Variants in TGFB3 observed in about 807,000 individuals in gnomAD.
TGFB3 encodes the protein transforming growth factor beta-3 proprotein.
Under a neutral mutation model 40.1 loss-of-function variants are expected in TGFB3, and 5 were observed. That is an observed-to-expected ratio of 0.12 (90% CI 0.07 to 0.26). The LOEUF is 0.26. Ranked by LOEUF, TGFB3 falls within the 10% of genes least tolerant of loss-of-function variation. The probability of loss-of-function intolerance (pLI) is 1.00; values close to 1 mark genes in which losing one functional copy is unlikely to be tolerated. For missense variants in TGFB3, 373 were observed against 530.1 expected (o/e 0.70, Z 2.91); for synonymous variants, 184 against 205.6 (o/e 0.89, Z 0.90).
chr14:75,971,415 GAC>G lies in TGFB3; in HGVS notation c.516+138_516+139del, dbSNP rs944357212. 53 of 1,518,018 alleles carry G rather than the reference GAC, an allele frequency of 3.5e-5. No individual in the cohort carries two copies. In the African/African-American group the frequency reaches 7.2e-4, roughly 21 times the overall value. 94.0% of individuals were successfully genotyped at this position (1,518,018 alleles called of 1,614,324 possible). On this transcript the variant is annotated intron_variant, in intron 2 of 6. Coordinates refer to ENST00000238682, the MANE Select transcript of TGFB3 (RefSeq NM_003239.5). The surrounding 1 kb of genome is among the most constrained non-coding windows in gnomAD (Gnocchi z 4.5). ...CTAACTCTTAAGTGTTTTAATGACA[GAC>G]ACAGATACGGAAACGAAGGCTCAGA...
At position 75,971,333 on chromosome 14, in the gene TGFB3, T is replaced by C; in HGVS notation, c.517-78A>G. 1 of 1,607,334 alleles carries C rather than the reference T, an allele frequency of 6.2e-7. No individual in the cohort carries two copies. Among genetic ancestry groups the C allele is most frequent in the Non-Finnish European group, 8.5e-7 (1 of 1,176,772 alleles). ...AAGATGTCACAATGCAGAGCACAGGTGAGGGAGCGATAGGAAACCAGTGGT... is the reference window on the plus strand; with the variant it reads ...AAGATGTCACAATGCAGAGCACAGGCGAGGGAGCGATAGGAAACCAGTGGT... On this transcript the variant is annotated intron_variant, in intron 2 of 6. Transcript: ENST00000238682. The surrounding 1 kb of genome is among the most constrained non-coding windows in gnomAD (Gnocchi z 4.5).
chr14:75,968,729 G>A (rs142666141), intron 3 of TGFB3, among the ~76,000 whole-genome samples: 231 of 152,270 alleles, frequency 1.5e-3, no homozygotes, highest in African/African-American at 5.4e-3. Flanking sequence ...GAAATTCCTG[G>A]GTACCCTTGG....
chr14:75,970,922 C>G (rs908599402), intron 3 of TGFB3: 1 of 648,810 alleles, frequency 1.5e-6, no homozygotes, highest in Non-Finnish European at 2.7e-6. Flanking sequence ...GTTCCTATCC[C>G]TGTGGCTGCA....
In TGFB3 at chr14:75,958,339, G is replaced by C. The variant is rs2035111354; in HGVS notation, c.*848C>G. The C allele has an allele frequency of 6.5e-6, 1 of 152,762 alleles. No homozygotes were observed. The highest frequency in any genetic ancestry group is 6.5e-5 in the Admixed American group (1 of 15,296). 9.5% of individuals were successfully genotyped at this position (152,762 alleles called of 1,614,324 possible). A position where few individuals can be genotyped will look rare whatever the true frequency, so the allele number is the denominator to read the frequency against. On this transcript the variant is annotated 3_prime_UTR_variant, in exon 7 of 7. Coordinates refer to ENST00000238682, the MANE Select transcript of TGFB3 (RefSeq NM_003239.5). ...CACCAAATGAACACAGGGTCTTGGA[G>C]GGGAAGTGGGGGAAGAACCCATAAT...
At chr14:75,960,737 A>G in intron 6 of TGFB3, 186 bp downstream of exon 6, 1 of 717,524 alleles carries the variant, frequency 1.4e-6, no homozygotes, top group East Asian at 2.7e-5. Context: ...GTAGGAATTT[A>G]AAAGGGCAGA....
At position 75,971,441 on chromosome 14, in the gene TGFB3, G is replaced by C; in HGVS notation, c.516+114C>G. ...ACACAGATACGGAAACGAAGGCTCA[G>C]AGAAGCCAGGATTCAAACCCAGGTC... On this transcript the variant is annotated intron_variant, in intron 2 of 6. Transcript: ENST00000238682. This position sits in a 1 kb window ranked among gnomAD's most constrained non-coding sequence, Gnocchi z 4.5. 5.8e-6 allele frequency: 9 copies of C among 1,543,560 alleles called. No individual in the cohort carries two copies. The Admixed American group carries it at 1.7e-4, about 29-fold the overall frequency.
At chr14:75,975,298 G>A (rs922580253) in intron 1 of TGFB3, among the ~76,000 whole-genome samples, 2 of 152,158 alleles carry the variant, frequency 1.3e-5, no homozygotes, top group African/African-American at 4.8e-5. Flanking sequence ...AACCCAGAAG[G>A]CAGAAGCTAC....
upstream of TGFB3, among the ~76,000 whole-genome samples, chr14:75,982,281 C>T (rs1017288167): frequency 2.4e-4 from 37 of 152,340 alleles, no homozygotes; most frequent in Non-Finnish European, 3.5e-4. This position sits in a 1 kb window ranked among gnomAD's most constrained non-coding sequence, Gnocchi z 4.0. Context: ...CCCCCAGCCC[C>T]GGCGCCCTCT....
Position 75,963,351 on chromosome 14 carries a change from C to T in TGFB3, c.891G>A (p.Arg297=), listed in dbSNP as rs773168068. The T allele has an allele frequency of 1.2e-6, 2 of 1,614,162 alleles. No homozygotes were observed. The highest frequency in any genetic ancestry group is 1.7e-6 in the Non-Finnish European group (2 of 1,180,014). The change falls in exon 5 of 7, where the codon AGG becomes AGA. Residue 297 remains arginine (R), a synonymous_variant. Coordinates refer to ENST00000238682, the MANE Select transcript of TGFB3 (RefSeq NM_003239.5). The part of the protein sequence containing the change: ...RLDNPGQGGQ[R]KKRALDTNYC... ...AATTGGTGTCCAAAGCCCGCTTCTT[C>T]CTCTGACCCCCCTGGCCCGGGTTGT...
intron 6 of TGFB3, among the ~76,000 whole-genome samples, chr14:75,959,648 G>A (rs1406982803): frequency 2.6e-5 from 4 of 151,996 alleles, no homozygotes; most frequent in Non-Finnish European, 5.9e-5. Context: ...GCAGGCGCCT[G>A]TAATCCCAGC....
intron 1 of TGFB3, among the ~76,000 whole-genome samples, chr14:75,976,675 G>T (rs536372294): frequency 4.7e-4 from 72 of 152,260 alleles, no homozygotes; most frequent in Admixed American, 3.9e-3. Flanking sequence ...ACTGAGGCTG[G>T]CTGCTGCTTT....
chr14:75,963,276 C>T, intron 5 of TGFB3, 40 bp downstream of exon 5: 1 of 1,613,102 alleles, frequency 6.2e-7, no homozygotes, highest in Non-Finnish European at 8.5e-7. Context: ...GGGCAGTAGG[C>T]AGGCAGTAGA....
intron 3 of TGFB3, among the ~76,000 whole-genome samples, chr14:75,969,977 C>T (rs1566681920): frequency 6.6e-6 from 1 of 152,182 alleles, no homozygotes; most frequent in Non-Finnish European, 1.5e-5. Flanking sequence ...ACTCATTTTC[C>T]TGCCTCTTCC....
intron 3 of TGFB3, among the ~76,000 whole-genome samples, chr14:75,967,918 C>T (rs2035240686): frequency 6.6e-6 from 1 of 152,174 alleles, no homozygotes; most frequent in South Asian, 2.1e-4. Flanking sequence ...AAGATGCCCA[C>T]ACATTCACCA....
chr14:75,968,713 C>T (rs1234816327), intron 3 of TGFB3, among the ~76,000 whole-genome samples: 3 of 152,158 alleles, frequency 2.0e-5, no homozygotes, highest in Non-Finnish European at 4.4e-5. Flanking sequence ...GTAGGAGGGA[C>T]AGGATGAAAT....
At chr14:75,962,724 A>G (rs968085787) in intron 5 of TGFB3, among the ~76,000 whole-genome samples, 1 of 152,202 alleles carries the variant, frequency 6.6e-6, no homozygotes, top group African/African-American at 2.4e-5. Context: ...AGTAGTTGGC[A>G]TGCATACTTT....
chr14:75,976,955 C>T (rs2035360660), intron 1 of TGFB3, among the ~76,000 whole-genome samples: 1 of 152,150 alleles, frequency 6.6e-6, no homozygotes, highest in Non-Finnish European at 1.5e-5. Flanking sequence ...CCCAAGACTC[C>T]ACCCCCTCAA....
rs557985409 is a variant in TGFB3 at position 75,977,870 on chromosome 14, GTGCTTAACTACA to G, written c.352+2660_352+2671del. Among the ~76,000 whole-genome samples, 16 of 152,114 alleles carry G rather than the reference GTGCTTAACTACA, an allele frequency of 1.1e-4. No homozygotes were observed. In the South Asian group the frequency reaches 2.3e-3, roughly 22 times the overall value. ...CAACGTGTATTTTACATATAAATGA[GTGCTTAACTACA>G]TGCGTCCTGCACACAGAATGTCTAG... On this transcript the variant is annotated intron_variant, in intron 1 of 6. Transcript: ENST00000238682.
At chr14:75,967,105 T>C (rs1013153609) in intron 3 of TGFB3, among the ~76,000 whole-genome samples, 1 of 152,236 alleles carries the variant, frequency 6.6e-6, no homozygotes, top group African/African-American at 2.4e-5. Flanking sequence ...AAGTCCAACC[T>C]GGCCCAGCAA....
Sources: gnomAD v4.1 joint callset for allele counts (sites outside exome capture counted in the v4.1 genomes callset) on GRCh38, gnomAD v4.1.1 for gene constraint, Gnocchi (gnomAD v3.1) non-coding constraint, MANE v1.5 for transcripts, NCBI Gene and HGNC (gene_info 2026-07-23, HGNC 2026-07-21) for gene names.